Variants in BICRAL observed in about 807,000 individuals in gnomAD.
BICRAL encodes BRD4-interacting chromatin-remodeling complex-associated protein-like.
Under a neutral mutation model 91.8 loss-of-function variants are expected in BICRAL, and 8 were observed. That is an observed-to-expected ratio of 0.09 (90% confidence interval 0.05 to 0.16). BICRAL has a LOEUF of 0.16. Ranked by LOEUF, BICRAL falls within the 10% of genes least tolerant of loss-of-function variation. The pLI is 1.00. For synonymous variants in BICRAL, 445 were observed against 491.1 expected (o/e 0.91, Z 1.24); for missense variants, 1,038 against 1,310.9 (o/e 0.79, Z 3.21).
chr6:42,822,015 T>C lies in BICRAL; in HGVS notation c.-5-3T>C. 6.2e-7 allele frequency: 1 copy of C among 1,600,828 alleles called. No homozygotes were observed. ...CCTGTTTTCCTCTCCCTTTTCTTTA[T>C]AGTTGTCATGGATGATGATGATGAC... is the stretch of plus-strand genomic sequence containing the variant. On this transcript the variant is annotated splice_region_variant and splice_polypyrimidine_tract_variant and intron_variant, in intron 2 of 12. Transcript: ENST00000314073.
rs183174764 is a variant in BICRAL, at chr6:42,863,314, C to T, written c.2452+702C>T. Among the ~76,000 whole-genome samples, 6 of 152,288 alleles carry T rather than the reference C, an allele frequency of 3.9e-5. No individual in the cohort carries two copies. The East Asian group carries it at 1.2e-3, about 29-fold the overall frequency. On this transcript the variant is annotated intron_variant, in intron 12 of 12. Transcript: ENST00000314073. ...CCGCCTGCCTTGGCCTCCCAAAGTG[C>T]TGGGATTACAGGCGTGAGCCACCGT...
intron 6 of BICRAL, among the ~76,000 whole-genome samples, chr6:42,832,578 C>A (rs1012075369): frequency 7.0e-6 from 1 of 142,678 alleles, no homozygotes; most frequent in East Asian, 2.1e-4. Flanking sequence ...ATCAAAGGGG[C>A]GTGTGTGTGT....
intron 1 of BICRAL, among the ~76,000 whole-genome samples, chr6:42,772,870 C>G (rs981727817): frequency 1.3e-5 from 2 of 152,056 alleles, no homozygotes; most frequent in Admixed American, 6.5e-5. Context: ...TTGTAGGGAC[C>G]AAGGGAAAGC....
At chr6:42,830,910 CT>C (rs2113962515) in intron 6 of BICRAL, among the ~76,000 whole-genome samples, 1 of 152,258 alleles carries the variant, frequency 6.6e-6, no homozygotes, top group Admixed American at 6.5e-5. Flanking sequence ...CACACCCGAC[CT>C]TTTTTCTTAA....
chr6:42,840,603 C>A (rs993034722), intron 6 of BICRAL, among the ~76,000 whole-genome samples: 25 of 151,998 alleles, frequency 1.6e-4, no homozygotes, highest in Admixed American at 1.2e-3. Context: ...GTGGTGCAAT[C>A]TCAGTTCACT....
At chr6:42,791,563 G>A (rs905484692) in intron 1 of BICRAL, among the ~76,000 whole-genome samples, 16 of 152,128 alleles carry the variant, frequency 1.1e-4, no homozygotes, top group South Asian at 4.1e-4. Flanking sequence ...AAAATGAGGG[G>A]GAAAAGAAAT....
rs865844209 is a variant in BICRAL at position 42,814,519 on chromosome 6, A to T, written c.-6+4118A>T. On this transcript the variant is annotated intron_variant, in intron 2 of 12. Transcript: ENST00000314073. ...TGTGTGTATATATATATATATATAT[A>T]TTTTTTTTTTTTTTTTTTTTTAGAT... 3.2e-3 allele frequency among the ~76,000 whole-genome samples: 253 copies of T among 80,208 alleles called. 2 individuals are homozygous for T. Among genetic ancestry groups the T allele is most frequent in the African/African-American group, 8.6e-3 (131 of 15,238 alleles). 52.6% of individuals were successfully genotyped at this position (80,208 alleles called of 152,430 possible).
Position 42,865,531 on chromosome 6 carries a change from C to G in BICRAL, c.*85C>G. On this transcript the variant is annotated 3_prime_UTR_variant, in exon 13 of 13. Transcript: ENST00000314073. ...CAGTTACATTCGTTCCTGGCAAAAGCAAATGGAAATGGTCTCCTGTCTCCA... is the reference window on the plus strand; with the variant it reads ...CAGTTACATTCGTTCCTGGCAAAAGGAAATGGAAATGGTCTCCTGTCTCCA... 2 of 680,004 alleles carry G rather than the reference C, an allele frequency of 2.9e-6. No homozygotes were observed. Among genetic ancestry groups the G allele is most frequent in the South Asian group, 3.8e-5 (2 of 52,702 alleles). 42.1% of individuals were successfully genotyped at this position (680,004 alleles called of 1,614,324 possible). A position where few individuals can be genotyped will look rare whatever the true frequency, so the allele number is the denominator to read the frequency against.
At chr6:42,849,185 C>G (rs1160256537) in intron 6 of BICRAL, among the ~76,000 whole-genome samples, 1 of 152,138 alleles carries the variant, frequency 6.6e-6, no homozygotes, top group Non-Finnish European at 1.5e-5. Context: ...CTCCTGGGCT[C>G]AAGCAGTTGT....
chr6:42,783,634 G>C (rs1021249703), intron 1 of BICRAL, among the ~76,000 whole-genome samples: 2 of 152,182 alleles, frequency 1.3e-5, no homozygotes, highest in African/African-American at 4.8e-5. Context: ...GACTGGGGTC[G>C]CGCGGCCTTC....
At chr6:42,764,582 T>G (rs1238543348) in intron 1 of BICRAL, among the ~76,000 whole-genome samples, 1 of 152,194 alleles carries the variant, frequency 6.6e-6, no homozygotes, top group Non-Finnish European at 1.5e-5. Context: ...AGATTTATAT[T>G]ATGTAACTGT....
chr6:42,792,790 G>A (rs186551452), intron 1 of BICRAL, among the ~76,000 whole-genome samples: 437 of 151,980 alleles, frequency 2.9e-3, no homozygotes, highest in Non-Finnish European at 5.4e-3. Context: ...GCAGGTACCT[G>A]TAATCCCAGC....
intron 1 of BICRAL, among the ~76,000 whole-genome samples, chr6:42,803,026 T>C (rs549788536): frequency 6.6e-6 from 1 of 152,338 alleles, no homozygotes; most frequent in East Asian, 1.9e-4. Flanking sequence ...GTCTTTTCTT[T>C]AAGGTCTAGT....
intron 1 of BICRAL, among the ~76,000 whole-genome samples, chr6:42,803,468 C>G (rs1252515038): frequency 2.0e-5 from 3 of 152,132 alleles, no homozygotes; most frequent in Non-Finnish European, 4.4e-5. Flanking sequence ...CATCCCAAAT[C>G]CTGTGCTGTA....
At chr6:42,811,060 G>T (rs1353348943) in intron 2 of BICRAL, among the ~76,000 whole-genome samples, 2 of 152,116 alleles carry the variant, frequency 1.3e-5, no homozygotes, top group Non-Finnish European at 2.9e-5. Context: ...TGACTATGGG[G>T]CCAAAATCGA....
At chr6:42,863,223 T>G (rs188682365) in intron 12 of BICRAL, among the ~76,000 whole-genome samples, 95 of 152,202 alleles carry the variant, frequency 6.2e-4, no homozygotes, top group Non-Finnish European at 1.2e-3. Context: ...TAATTTTTTG[T>G]ATTTTTAGTA....
intron 6 of BICRAL, among the ~76,000 whole-genome samples, chr6:42,845,163 C>CGGCTGCCT (rs1310826772): frequency 2.5e-5 from 3 of 118,298 alleles, no homozygotes; most frequent in Non-Finnish European, 4.9e-5. Context: ...TGGTATCCTT[C>CGGCTGCCT]GGCTGCCTTC....
chr6:42,772,981 C>A (rs1218346196), intron 1 of BICRAL, among the ~76,000 whole-genome samples: 1 of 152,094 alleles, frequency 6.6e-6, no homozygotes, highest in Non-Finnish European at 1.5e-5. Context: ...ACATGTATAG[C>A]ATGGGGGAAT....
At chr6:42,810,797 A>T (rs1276835899) in intron 2 of BICRAL, among the ~76,000 whole-genome samples, 1 of 152,232 alleles carries the variant, frequency 6.6e-6, no homozygotes, top group Non-Finnish European at 1.5e-5. Context: ...AATAATGAAT[A>T]TTCTTTATGC....
Sources: gnomAD v4.1 joint callset for allele counts (sites outside exome capture counted in the v4.1 genomes callset) on GRCh38, gnomAD v4.1.1 for gene constraint, MANE v1.5 for transcripts, NCBI Gene and HGNC (gene_info 2026-07-23, HGNC 2026-07-21) for gene names.